The following TNKS variants were observed in gnomAD, a reference collection of about 807,000 sequenced individuals.
The protein encoded by TNKS is tankyrase, also known as poly [ADP-ribose] polymerase tankyrase-1.
In TNKS, 72 loss-of-function variants were observed where a neutral mutation model predicts 135.8. The observed-to-expected ratio is 0.53, with a 90% CI of 0.44 to 0.64. The LOEUF is 0.64. Among genes scored for constraint, TNKS ranks in the 30% least tolerant of loss-of-function variants. The pLI is 0.00. For synonymous variants in TNKS, 849 were observed against 649.3 expected, an observed-to-expected ratio of 1.31 and a Z score of -4.68; for missense variants, 1,769 against 1,674.0, an observed-to-expected ratio of 1.06 and a Z score of -0.99.
chr8:9,753,109 A>G (rs1485120983), intron 20 of TNKS, among the ~76,000 whole-genome samples: 3 of 152,214 alleles, frequency 2.0e-5, no homozygotes, highest in East Asian at 1.9e-4. Flanking sequence ...AAAATTGTCT[A>G]ACAAATGAGT....
At chr8:9,619,759 A>T (rs1370725565) in intron 3 of TNKS, among the ~76,000 whole-genome samples, 3 of 150,400 alleles carry the variant, frequency 2.0e-5, no homozygotes, top group Non-Finnish European at 4.4e-5. Context: ...TGGCTTAGTA[A>T]GTCAGCAAAA....
At chr8:9,558,805 A>C (rs1797194914) in intron 1 of TNKS, 1 of 152,164 alleles carries the variant, frequency 6.6e-6, no homozygotes, top group Admixed American at 6.5e-5. Context: ...AAAACACAGT[A>C]ATAAAATTCT....
In TNKS at chr8:9,779,104, A is replaced by C. The variant is rs879244178; in HGVS notation, c.*2368A>C. On this transcript the variant is annotated 3_prime_UTR_variant, in exon 27 of 27. Coordinates refer to ENST00000310430, the MANE Select transcript of TNKS (RefSeq NM_003747.3). Reference sequence around the variant, plus strand: ...TCCTATAATGATTCAAGTATATAGTAGTTCTTGAAAGAGTGTGCATATATT... The same window carrying C: ...TCCTATAATGATTCAAGTATATAGTCGTTCTTGAAAGAGTGTGCATATATT... 6.6e-6 allele frequency: 1 copy of C among 152,638 alleles called. No individual in the cohort carries two copies. Among genetic ancestry groups the C allele is most frequent in the Non-Finnish European group, 1.5e-5 (1 of 68,048 alleles). 9.5% of individuals were successfully genotyped at this position (152,638 alleles called of 1,614,324 possible). A position where few individuals can be genotyped will look rare whatever the true frequency, so the allele number is the denominator to read the frequency against.
chr8:9,622,429 A>G (rs1046920337), intron 3 of TNKS, among the ~76,000 whole-genome samples: 1 of 152,186 alleles, frequency 6.6e-6, no homozygotes, highest in African/African-American at 2.4e-5. Flanking sequence ...AATCCTCACA[A>G]TGAAGCTGTG....
At chr8:9,704,018 C>A (rs556210878) in intron 5 of TNKS, among the ~76,000 whole-genome samples, 7 of 152,292 alleles carry the variant, frequency 4.6e-5, no homozygotes, top group Admixed American at 3.3e-4. Context: ...CCTCTCTTGT[C>A]TTTACACTGT....
At position 9,571,870 on chromosome 8, in the gene TNKS, C is replaced by G. The variant is rs541729950; in HGVS notation, c.674-8289C>G. On this transcript the variant is annotated intron_variant, in intron 1 of 26. Transcript: ENST00000310430. ...AAAGAGTTTCTCACCTCTTGATTTA[C>G]TGTGCCTTACTCTCTTTGGAACATT... Among the ~76,000 whole-genome samples, 10 of 152,286 alleles carry G rather than the reference C, an allele frequency of 6.6e-5. No homozygotes were observed. The East Asian group carries it at 1.9e-3, about 29-fold the overall frequency.
At chr8:9,637,627 C>G (rs2128774931) in intron 3 of TNKS, among the ~76,000 whole-genome samples, 1 of 152,212 alleles carries the variant, frequency 6.6e-6, no homozygotes, top group East Asian at 1.9e-4. Context: ...GGACAGTATC[C>G]TTTTCTCCAG....
intron 1 of TNKS, among the ~76,000 whole-genome samples, chr8:9,574,217 T>A (rs1267439371): frequency 6.6e-6 from 1 of 152,182 alleles, no homozygotes; most frequent in Admixed American, 6.5e-5. Flanking sequence ...TGTGCTGAAA[T>A]TTATACATTA....
chr8:9,775,246 A>G (rs1224601152), intron 26 of TNKS, among the ~76,000 whole-genome samples: 1 of 152,008 alleles, frequency 6.6e-6, no homozygotes, highest in East Asian at 1.9e-4. Flanking sequence ...GTATGTCTTA[A>G]GATAAAACTA....
intron 26 of TNKS, among the ~76,000 whole-genome samples, chr8:9,775,337 AAGTC>A (rs1445702476): frequency 1.3e-5 from 2 of 151,548 alleles, no homozygotes; most frequent in African/African-American, 2.4e-5. Context: ...TCAGATTGGA[AAGTC>A]AGGAGAGATT....
At chr8:9,735,951 A>G (rs918183131) in intron 17 of TNKS, among the ~76,000 whole-genome samples, 1 of 151,976 alleles carries the variant, frequency 6.6e-6, no homozygotes, top group Non-Finnish European at 1.5e-5. Flanking sequence ...GTTTTGGTGT[A>G]TCTTCCCGGC....
chr8:9,765,648 T>C (rs374239220), intron 23 of TNKS, 44 bp from the exon 24 acceptor site: 1 of 1,486,870 alleles, frequency 6.7e-7, no homozygotes, highest in South Asian at 1.1e-5. Flanking sequence ...AAATCATAAA[T>C]GCACGTTTCA....
At chr8:9,751,490 T>C in intron 18 of TNKS, 119 bp from the exon 19 acceptor site, 1 of 790,816 alleles carries the variant, frequency 1.3e-6, no homozygotes. Flanking sequence ...CAAAAACCAG[T>C]AGGTGATAAT....
intron 17 of TNKS, chr8:9,740,826 G>GGTTT (rs746780714): frequency 9.7e-6 from 1 of 103,566 alleles, no homozygotes; most frequent in Non-Finnish European, 1.8e-5. Flanking sequence ...AATTCTTGTT[G>GGTTT]TTTTTTTTTT....
At position 9,555,975 on chromosome 8, in the gene TNKS, C is replaced by A. The variant is rs764405287; in HGVS notation, c.36C>A (p.His12Gln). The A allele has an allele frequency of 1.2e-6, 2 of 1,613,536 alleles. No homozygotes were observed. The highest frequency in any genetic ancestry group is 2.2e-5 in the South Asian group (2 of 91,040). The stretch of plus-strand genomic sequence containing the variant: ...CGCGTCGCTCTCAGCATCATCACCA[C>A]CATCATCAACAACAGCTCCAGCCCG... Reference protein sequence around the residue: ...AASRRSQHHHHHHQQQLQPAP... With the variant: ...AASRRSQHHHQHHQQQLQPAP... Residue 12 changes from histidine to glutamine, a missense_variant, in exon 1 of 27, where the codon CAC becomes CAA. By Grantham distance (24) the His-to-Gln change is conservative. This residue lies in a region of TNKS where 450 missense variants were observed against 304.9 expected (regional missense o/e 1.48). Coordinates refer to ENST00000310430, the MANE Select transcript of TNKS (RefSeq NM_003747.3).
At chr8:9,674,604 A>G (rs530140769) in intron 3 of TNKS, among the ~76,000 whole-genome samples, 50 of 152,172 alleles carry the variant, frequency 3.3e-4, no homozygotes, top group Admixed American at 1.1e-3. Context: ...ACCTGTGCCT[A>G]CTGAATACCT....
intron 3 of TNKS, among the ~76,000 whole-genome samples, chr8:9,659,817 C>A (rs958617253): frequency 6.6e-6 from 1 of 151,836 alleles, no homozygotes; most frequent in Admixed American, 6.6e-5. Flanking sequence ...TTGGAAAGAT[C>A]AACAAAATTG....
At chr8:9,727,527 C>T (rs548892189) in intron 13 of TNKS, among the ~76,000 whole-genome samples, 1 of 152,226 alleles carries the variant, frequency 6.6e-6, no homozygotes, top group South Asian at 2.1e-4. Flanking sequence ...CCTTACCCTG[C>T]CTACTATCCA....
rs928580826 is a variant in TNKS, at chr8:9,584,755, C to A, written c.898+4372C>A. On this transcript the variant is annotated intron_variant, in intron 2 of 26. Transcript: ENST00000310430. ...GTTTACATGTATACCACACCTCCATCTCTCCTTATTCTCTACAATTCTCAA... is the reference window on the plus strand; with the variant it reads ...GTTTACATGTATACCACACCTCCATATCTCCTTATTCTCTACAATTCTCAA... Among the ~76,000 whole-genome samples, 78 of 152,328 alleles carry A rather than the reference C, an allele frequency of 5.1e-4. 1 individual carries two copies. The highest frequency in any genetic ancestry group is 1.7e-3 in the African/African-American group (72 of 41,578).
Sources: allele counts gnomAD v4.1 joint callset (sites outside exome capture counted in the v4.1 genomes callset), GRCh38; gene constraint gnomAD v4.1.1; regional missense constraint gnomAD v4.1.1; transcripts MANE v1.5; gene names NCBI Gene and HGNC (gene_info 2026-07-23, HGNC 2026-07-21).